Variants in ZNF385D observed in about 807,000 individuals in gnomAD.
ZNF385D encodes zinc finger protein 385D, also known as zinc finger protein 659.
ZNF385D carries 15 observed loss-of-function variants against 35.8 expected under a neutral mutation model. That is an observed-to-expected ratio of 0.42 (90% CI 0.28 to 0.64). The LOEUF (loss-of-function observed/expected upper bound fraction) is 0.64, where lower values mean the gene tolerates loss of function less well. ZNF385D is among the 30% of genes least tolerant of loss of function. The pLI is 0.23. For missense variants in ZNF385D, 474 were observed against 494.6 expected, an observed-to-expected ratio of 0.96 and a Z score of 0.39; for synonymous variants, 212 against 186.8, an observed-to-expected ratio of 1.13 and a Z score of -1.10.
chr3:22,272,999 T>C (rs1398147855), intron 2 of ZNF385D, among the ~76,000 whole-genome samples: 1 of 151,940 alleles, frequency 6.6e-6, no homozygotes, highest in Non-Finnish European at 1.5e-5. Flanking sequence ...CCTAGATATA[T>C]AGCATGCTTT....
At chr3:22,195,876 C>T (rs373819795) in intron 2 of ZNF385D, among the ~76,000 whole-genome samples, 18 of 151,928 alleles carry the variant, frequency 1.2e-4, no homozygotes, top group East Asian at 3.9e-4. Flanking sequence ...TTTGCAGGGA[C>T]GTGGATGGAG....
At chr3:21,483,950 C>A (rs1015692198) in intron 4 of ZNF385D, among the ~76,000 whole-genome samples, 1 of 151,904 alleles carries the variant, frequency 6.6e-6, no homozygotes, top group African/African-American at 2.4e-5. Context: ...ATGCTATTGG[C>A]ATCATTCTTT....
intron 3 of ZNF385D, among the ~76,000 whole-genome samples, chr3:22,010,735 G>T (rs953029644): frequency 1.3e-5 from 2 of 152,154 alleles, no homozygotes; most frequent in Admixed American, 6.5e-5. Context: ...ACTTTTTCCA[G>T]ATGTATCACT....
chr3:22,307,179 T>A (rs1030113827), intron 2 of ZNF385D, among the ~76,000 whole-genome samples: 1 of 152,068 alleles, frequency 6.6e-6, no homozygotes, highest in Non-Finnish European at 1.5e-5. Context: ...ACCAATGAAA[T>A]TGACTCAGAA....
At chr3:22,196,207 C>T (rs1002364768) in intron 2 of ZNF385D, among the ~76,000 whole-genome samples, 2 of 151,962 alleles carry the variant, frequency 1.3e-5, no homozygotes, top group African/African-American at 2.4e-5. Context: ...GTTTGCTAAT[C>T]GAATAGGTGG....
At position 21,726,096 on chromosome 3, in the gene ZNF385D, A is replaced by T. The variant is rs1375240515; in HGVS notation, c.22+24799T>A. 2.0e-5 allele frequency among the ~76,000 whole-genome samples: 3 copies of T among 152,208 alleles called. No homozygotes were observed. In the South Asian group the frequency reaches 6.2e-4, roughly 31 times the overall value. On this transcript the variant is annotated intron_variant, in intron 1 of 7. Coordinates refer to ENST00000281523, the MANE Select transcript of ZNF385D (RefSeq NM_024697.3). Reference sequence around the variant, plus strand: ...AAAAACCACATGATTATCTCAATAGATGTAGAGAAGGCCTTCGACAAAATT... The same window carrying T: ...AAAAACCACATGATTATCTCAATAGTTGTAGAGAAGGCCTTCGACAAAATT...
chr3:22,071,675 C>T (rs988494489), intron 3 of ZNF385D, among the ~76,000 whole-genome samples: 1 of 152,078 alleles, frequency 6.6e-6, no homozygotes, highest in East Asian at 1.9e-4. Flanking sequence ...TGAGTAAGCT[C>T]ACATTTTCTT....
intron 2 of ZNF385D, among the ~76,000 whole-genome samples, chr3:22,362,566 TC>T (rs1696462381): frequency 6.6e-6 from 1 of 152,120 alleles, no homozygotes; most frequent in Non-Finnish European, 1.5e-5. Context: ...GAAAGGCATA[TC>T]AAAATCATAT....
At position 21,568,203 on chromosome 3, in the gene ZNF385D, G is replaced by A. The variant is rs552822193; in HGVS notation, c.166-3519C>T. 2.2e-4 allele frequency among the ~76,000 whole-genome samples: 33 copies of A among 151,344 alleles called. 1 individual carries two copies. Among genetic ancestry groups the A allele is most frequent in the African/African-American group, 2.9e-4 (12 of 41,236 alleles). ...ATTAATAACAATAAATCATTCACAC[G>A]TATATATCTACAACCATTTACAATG... On this transcript the variant is annotated intron_variant, in intron 2 of 7. Coordinates refer to ENST00000281523, the MANE Select transcript of ZNF385D (RefSeq NM_024697.3).
chr3:21,967,462 C>A (rs879754283), intron 3 of ZNF385D, among the ~76,000 whole-genome samples: 1 of 152,070 alleles, frequency 6.6e-6, no homozygotes, highest in Non-Finnish European at 1.5e-5. Flanking sequence ...AATTAAATAT[C>A]TTGATGAAAT....
chr3:22,115,285 A>G (rs1420407243), intron 3 of ZNF385D, among the ~76,000 whole-genome samples: 1 of 152,100 alleles, frequency 6.6e-6, no homozygotes, highest in African/African-American at 2.4e-5. Context: ...ATTGAAACAG[A>G]GACTTTGCCT....
At chr3:22,324,617 A>G (rs555563794) in intron 2 of ZNF385D, among the ~76,000 whole-genome samples, 39 of 152,304 alleles carry the variant, frequency 2.6e-4, no homozygotes, top group Non-Finnish European at 5.1e-4. Context: ...TGCTCCCCCA[A>G]ATTATCTATA....
chr3:21,618,187 T>C (rs2064903113), intron 2 of ZNF385D, among the ~76,000 whole-genome samples: 1 of 152,172 alleles, frequency 6.6e-6, no homozygotes, highest in African/African-American at 2.4e-5. Context: ...GAGAAAGAGA[T>C]TACCTTGGAT....
intron 2 of ZNF385D, among the ~76,000 whole-genome samples, chr3:22,339,659 A>G (rs916561569): frequency 6.6e-6 from 1 of 152,202 alleles, no homozygotes; most frequent in African/African-American, 2.4e-5. Context: ...CTACTGTTCT[A>G]CAGTCCATTT....
At chr3:21,911,934 TA>T (rs1277740191) in intron 3 of ZNF385D, among the ~76,000 whole-genome samples, 1 of 151,836 alleles carries the variant, frequency 6.6e-6, no homozygotes, top group Admixed American at 6.6e-5. Context: ...TATATCAAAC[TA>T]AAAATAAGCT....
chr3:22,211,434 C>T (rs1290807129), intron 2 of ZNF385D, among the ~76,000 whole-genome samples: 1 of 151,866 alleles, frequency 6.6e-6, no homozygotes, highest in Non-Finnish European at 1.5e-5. Context: ...TCACAGATCT[C>T]ATTTGTGTTA....
intron 4 of ZNF385D, among the ~76,000 whole-genome samples, chr3:21,449,109 GGTTA>G (rs1247231233): frequency 6.6e-6 from 1 of 151,666 alleles, no homozygotes; most frequent in South Asian, 2.1e-4. Context: ...ATGACTTATT[GGTTA>G]GTTCTGTCAA....
intron 3 of ZNF385D, among the ~76,000 whole-genome samples, chr3:21,948,196 A>G (rs548412403): frequency 1.3e-5 from 2 of 152,234 alleles, no homozygotes; most frequent in East Asian, 3.9e-4. Flanking sequence ...TCTTAATTAT[A>G]TCAATAAATT....
intron 2 of ZNF385D, among the ~76,000 whole-genome samples, chr3:22,206,722 A>C (rs575735598): frequency 1.3e-5 from 2 of 152,080 alleles, no homozygotes; most frequent in Non-Finnish European, 2.9e-5. Context: ...AAATTTCTTG[A>C]AACAAATGAT....
Sources: allele counts gnomAD v4.1 joint callset (sites outside exome capture counted in the v4.1 genomes callset), GRCh38; gene constraint gnomAD v4.1.1; transcripts MANE v1.5; gene names NCBI Gene and HGNC (gene_info 2026-07-23, HGNC 2026-07-21).